Variants in SCAI observed in about 807,000 individuals in gnomAD.
SCAI encodes protein SCAI.
SCAI carries 24 observed loss-of-function variants against 92.2 expected under a neutral mutation model. That is an observed-to-expected ratio of 0.26 (90% CI 0.19 to 0.37). The LOEUF (loss-of-function observed/expected upper bound fraction) is 0.37. SCAI is among the 10% of genes least tolerant of loss of function. The pLI is 1.00. For missense variants in SCAI, 450 were observed against 736.2 expected (o/e 0.61, Z 4.50); for synonymous variants, 261 against 258.6 (o/e 1.01, Z -0.09).
intron 17 of SCAI, among the ~76,000 whole-genome samples, chr9:124,970,853 C>T (rs766743882): frequency 1.3e-5 from 2 of 151,910 alleles, no homozygotes; most frequent in Non-Finnish European, 1.5e-5. Context: ...TCGTTCTTGT[C>T]GTCCAGGCTG....
intron 17 of SCAI, chr9:124,968,961 G>C (rs200115880): frequency 2.0e-5 from 8 of 409,972 alleles, no homozygotes; most frequent in African/African-American, 1.6e-4. Flanking sequence ...AAAAAAAAAG[G>C]CTGTGTCTTA....
chr9:125,013,306 G>T (rs1832677433), intron 9 of SCAI, among the ~76,000 whole-genome samples: 2 of 152,036 alleles, frequency 1.3e-5, no homozygotes, highest in Admixed American at 6.6e-5. Flanking sequence ...GAAGAAAAGA[G>T]AGAAGAATCA....
chr9:125,035,697 G>C (rs966432009), intron 3 of SCAI, among the ~76,000 whole-genome samples: 12 of 152,290 alleles, frequency 7.9e-5, no homozygotes, highest in Non-Finnish European at 1.3e-4. Context: ...AAAAAAGTTA[G>C]ATAATACTAT....
At chr9:125,142,713 A>G (rs1296472241) in intron 1 of SCAI, 36 bp from the exon 2 acceptor site, 2 of 1,585,658 alleles carry the variant, frequency 1.3e-6, no homozygotes, top group Non-Finnish European at 1.7e-6. Context: ...AACTAAAAGT[A>G]ACATACAAGA....
At chr9:124,988,524 T>C (rs928619439) in intron 14 of SCAI, among the ~76,000 whole-genome samples, 3 of 152,114 alleles carry the variant, frequency 2.0e-5, no homozygotes, top group Non-Finnish European at 4.4e-5. Flanking sequence ...TATGTGCATA[T>C]GTATGTATGT....
At chr9:125,063,581 G>T (rs868085483) in intron 2 of SCAI, among the ~76,000 whole-genome samples, 7 of 151,970 alleles carry the variant, frequency 4.6e-5, no homozygotes, top group Non-Finnish European at 1.0e-4. Flanking sequence ...TGAAAAGGTT[G>T]TAAGTCAAAG....
At chr9:125,054,762 A>G (rs1176363258) in intron 3 of SCAI, among the ~76,000 whole-genome samples, 1 of 152,214 alleles carries the variant, frequency 6.6e-6, no homozygotes, top group Non-Finnish European at 1.5e-5. Context: ...AGAGTGCAAG[A>G]GTTAAGAATA....
In SCAI at chr9:125,002,644, G is replaced by A. The variant is rs187556105; in HGVS notation, c.1065+470C>T. 1.4e-3 allele frequency among the ~76,000 whole-genome samples: 220 copies of A among 151,796 alleles called. 3 individuals are homozygous for A. The highest frequency in any genetic ancestry group is 4.6e-3 in the African/African-American group (192 of 41,442). ...ATTACAGGCATGTGCCACCACACCCGGCTAATTTTGTATTCTTTTAGTAGA... is the reference window on the plus strand; with the variant it reads ...ATTACAGGCATGTGCCACCACACCCAGCTAATTTTGTATTCTTTTAGTAGA... On this transcript the variant is annotated intron_variant, in intron 11 of 17. Transcript: ENST00000336505.
In SCAI at chr9:124,943,223, T is replaced by C. The variant is rs558715122; in HGVS notation, c.*9584A>G. The C allele has an allele frequency of 2.0e-5, 3 of 152,326 alleles. No homozygotes were observed. The highest frequency in any genetic ancestry group is 7.2e-5 in the African/African-American group (3 of 41,582). 9.4% of individuals were successfully genotyped at this position (152,326 alleles called of 1,614,324 possible). A position where few individuals can be genotyped will look rare whatever the true frequency, so the allele number is the denominator to read the frequency against. On this transcript the variant is annotated 3_prime_UTR_variant, in exon 18 of 18. Transcript: ENST00000336505. Reference sequence around the variant, plus strand: ...TGATAGTGACAGTATAATTTTCCCCTTAGTCATTGGTAGTAAATAGCCCCT... The same window carrying C: ...TGATAGTGACAGTATAATTTTCCCCCTAGTCATTGGTAGTAAATAGCCCCT...
intron 2 of SCAI, among the ~76,000 whole-genome samples, chr9:125,058,397 C>T (rs909531269): frequency 1.3e-5 from 2 of 152,050 alleles, no homozygotes; most frequent in Admixed American, 6.6e-5. Flanking sequence ...GCCTGCAGTC[C>T]CCAGCTACTA....
At chr9:125,128,885 A>T (rs1835338020) in intron 2 of SCAI, among the ~76,000 whole-genome samples, 1 of 151,902 alleles carries the variant, frequency 6.6e-6, no homozygotes, top group African/African-American at 2.4e-5. Context: ...CAACATGGAG[A>T]AACCCCATCC....
intron 2 of SCAI, among the ~76,000 whole-genome samples, chr9:125,086,373 G>A (rs994944194): frequency 6.6e-6 from 1 of 152,122 alleles, no homozygotes; most frequent in African/African-American, 2.4e-5. Flanking sequence ...TACCACAGGT[G>A]GTCAGAGATA....
chr9:125,046,621 G>A (rs934162371), intron 3 of SCAI, among the ~76,000 whole-genome samples: 6 of 149,742 alleles, frequency 4.0e-5, no homozygotes, highest in African/African-American at 9.8e-5. Context: ...TGGGTGATGG[G>A]TGCATCAAAA....
chr9:125,139,284 A>C (rs1036031027), intron 2 of SCAI, among the ~76,000 whole-genome samples: 1 of 152,172 alleles, frequency 6.6e-6, no homozygotes, highest in Non-Finnish European at 1.5e-5. Context: ...ATAGTGATGC[A>C]CATCTGTAGT....
intron 2 of SCAI, among the ~76,000 whole-genome samples, chr9:125,092,909 C>A (rs138957439): frequency 1.3e-5 from 2 of 152,356 alleles, no homozygotes; most frequent in East Asian, 3.9e-4. Flanking sequence ...TCACTTTGTT[C>A]CCATCATTCC....
At chr9:125,043,623 G>A (rs1244913510) in intron 3 of SCAI, among the ~76,000 whole-genome samples, 1 of 152,096 alleles carries the variant, frequency 6.6e-6, no homozygotes, top group African/African-American at 2.4e-5. Flanking sequence ...ACCACACTCA[G>A]CTAATATTTT....
At chr9:124,985,305 G>A (rs1228733715) in intron 14 of SCAI, among the ~76,000 whole-genome samples, 1 of 151,164 alleles carries the variant, frequency 6.6e-6, no homozygotes, top group African/African-American at 2.5e-5. Flanking sequence ...AGTTCCTGAG[G>A]GTTGTCAGTG....
intron 2 of SCAI, among the ~76,000 whole-genome samples, chr9:125,077,077 G>A (rs1021211298): frequency 5.3e-5 from 8 of 152,226 alleles, no homozygotes; most frequent in Admixed American, 1.3e-4. Context: ...TCACCTACTC[G>A]GGAAGGTGAG....
intron 2 of SCAI, among the ~76,000 whole-genome samples, chr9:125,136,729 G>A (rs1835541639): frequency 6.6e-6 from 1 of 150,702 alleles, no homozygotes. Context: ...AAAGTGCTGG[G>A]ATTACAGGTG....
Sources: allele counts gnomAD v4.1 joint callset (sites outside exome capture counted in the v4.1 genomes callset), GRCh38; gene constraint gnomAD v4.1.1; transcripts MANE v1.5; gene names NCBI Gene and HGNC (gene_info 2026-07-23, HGNC 2026-07-21).